BUB1B: variants seen among roughly 807,000 people sequenced by gnomAD.
BUB1B encodes the protein mitotic checkpoint serine/threonine-protein kinase BUB1 beta.
A neutral mutation model predicts 137.7 loss-of-function variants in BUB1B; 86 were observed. The ratio of observed to expected loss-of-function variants is 0.62; its 90% CI spans 0.52 to 0.75. BUB1B has a LOEUF of 0.75. Ranked by LOEUF, BUB1B falls within the 30% of genes least tolerant of loss-of-function variation. The pLI, the probability that BUB1B is intolerant of heterozygous loss-of-function variation, is 0.00. For synonymous variants in BUB1B, 420 were observed against 417.9 expected (o/e 1.00, Z -0.06); for missense variants, 1,130 against 1,236.9 (o/e 0.91, Z 1.30).
At chr15:40,210,256 G>C (rs1338921646) in intron 18 of BUB1B, 46 bp downstream of exon 18, 1 of 1,393,266 alleles carries the variant, frequency 7.2e-7, no homozygotes, top group Non-Finnish European at 1.0e-6. Context: ...AAATAATACG[G>C]ATTGGAGCAA....
At chr15:40,182,126 C>G (rs2037301903) in intron 5 of BUB1B, among the ~76,000 whole-genome samples, 1 of 152,200 alleles carries the variant, frequency 6.6e-6, no homozygotes, top group Non-Finnish European at 1.5e-5. Context: ...ATCGCTTGAA[C>G]CCAGGAGGCA....
rs2037118936 is a variant in BUB1B at position 40,167,815 on chromosome 15, G to T, written c.180-2247G>T. Among the ~76,000 whole-genome samples, 3 of 151,434 alleles carry T rather than the reference G, an allele frequency of 2.0e-5. No individual in the cohort carries two copies. The South Asian group carries it at 6.2e-4, about 31-fold the overall frequency. On this transcript the variant is annotated intron_variant, in intron 2 of 22. Transcript: ENST00000287598. ...CCTTTCCTCACTGAATTGCGTTGGG[G>T]CCCTTTTCAAAAATCATTTGACCAC... is the stretch of plus-strand genomic sequence containing the variant.
chr15:40,209,186 G>A (rs929123130), intron 16 of BUB1B, among the ~76,000 whole-genome samples: 2 of 152,136 alleles, frequency 1.3e-5, no homozygotes, highest in Non-Finnish European at 2.9e-5. Context: ...TTGGGAGGCC[G>A]AGGCGGGTGG....
Position 40,176,502 on chromosome 15 carries a change from A to C in BUB1B, c.410A>C (p.Asp137Ala), listed in dbSNP as rs1446686612. ...GGGCGTTTATGCAATGAGCCTTTGG[A>C]TATGTACAGTTACTTGCACAACCAA... ...KLGRLCNEPL[D>A]MYSYLHNQGI... is the part of the protein sequence containing the mutation. The change falls in exon 5 of 23, where the codon GAT becomes GCT. Residue 137 changes from aspartate (D) to alanine (A), a missense_variant. Coordinates refer to ENST00000287598, the MANE Select transcript of BUB1B (RefSeq NM_001211.6). 1 of 1,614,138 alleles carries C rather than the reference A, an allele frequency of 6.2e-7. No individual in the cohort carries two copies. The highest frequency in any genetic ancestry group is 1.1e-5 in the South Asian group (1 of 91,090).
intron 5 of BUB1B, among the ~76,000 whole-genome samples, chr15:40,179,967 CAT>C (rs34339420): frequency 0.41 from 59,447 of 143,446 alleles, 13,827 homozygotes; most frequent in Non-Finnish European, 0.54. Context: ...TTTCAAAAGC[CAT>C]ATATATATAT....
At chr15:40,199,528 A>G in intron 9 of BUB1B, 87 bp from the exon 10 acceptor site, 2 of 927,510 alleles carry the variant, frequency 2.2e-6, no homozygotes, top group Non-Finnish European at 3.5e-6. Flanking sequence ...AGTAACATAT[A>G]TGTTGAGGAG....
chr15:40,172,243 G>A (rs2037172505), intron 4 of BUB1B, among the ~76,000 whole-genome samples: 1 of 151,386 alleles, frequency 6.6e-6, no homozygotes, highest in African/African-American at 2.4e-5. Flanking sequence ...AATAAAGTAA[G>A]AAATAAATTT....
chr15:40,190,940 T>C (rs1296806096), intron 8 of BUB1B, among the ~76,000 whole-genome samples: 3 of 151,268 alleles, frequency 2.0e-5, no homozygotes, highest in African/African-American at 7.3e-5. Context: ...CATTCTGGAG[T>C]GCAGTAGTGC....
At chr15:40,196,945 G>A (rs1371108905) in intron 9 of BUB1B, among the ~76,000 whole-genome samples, 171 bp downstream of exon 9, 1 of 152,132 alleles carries the variant, frequency 6.6e-6, no homozygotes, top group Non-Finnish European at 1.5e-5. Context: ...TGCCTTCTAT[G>A]GTTGTACTGT....
chr15:40,216,647 G>C (rs1256707726), intron 20 of BUB1B, among the ~76,000 whole-genome samples: 1 of 147,006 alleles, frequency 6.8e-6, no homozygotes, highest in Non-Finnish European at 1.5e-5. Context: ...GGAAAAATGA[G>C]AGCAATTATC....
At chr15:40,171,931 TAA>T (rs1162725390) in intron 4 of BUB1B, among the ~76,000 whole-genome samples, 3 of 151,928 alleles carry the variant, frequency 2.0e-5, no homozygotes, top group Non-Finnish European at 4.4e-5. Flanking sequence ...AAAATAAATT[TAA>T]AAAAATAAAC....
intron 8 of BUB1B, among the ~76,000 whole-genome samples, chr15:40,188,852 A>G (rs1230804618): frequency 6.6e-6 from 1 of 151,968 alleles, no homozygotes; most frequent in Non-Finnish European, 1.5e-5. Context: ...AAGTGCCGGG[A>G]TTACAGGCAT....
chr15:40,216,565 A>ATT (rs2037789610), intron 20 of BUB1B, among the ~76,000 whole-genome samples: 3 of 78,662 alleles, frequency 3.8e-5, no homozygotes, highest in East Asian at 7.5e-4. Context: ...ATATATATAT[A>ATT]TATATATTTT....
intron 2 of BUB1B, among the ~76,000 whole-genome samples, chr15:40,168,850 CTG>C (rs1008333904): frequency 2.0e-5 from 3 of 152,170 alleles, no homozygotes; most frequent in Non-Finnish European, 2.9e-5. Flanking sequence ...CTTGAAAAAA[CTG>C]TTTTTCTTTC....
At chr15:40,180,155 C>A (rs563038771) in intron 5 of BUB1B, among the ~76,000 whole-genome samples, 3 of 150,864 alleles carry the variant, frequency 2.0e-5, no homozygotes, top group African/African-American at 7.3e-5. Flanking sequence ...TCAATTAATT[C>A]TCCTAGTTTT....
chr15:40,207,644 A>G (rs2037653766), intron 15 of BUB1B, among the ~76,000 whole-genome samples: 2 of 152,196 alleles, frequency 1.3e-5, no homozygotes, highest in Non-Finnish European at 2.9e-5. Context: ...ACTATAGGTA[A>G]ATAAAGCATA....
intron 5 of BUB1B, among the ~76,000 whole-genome samples, chr15:40,181,592 A>G (rs2037294602): frequency 6.6e-6 from 1 of 152,100 alleles, no homozygotes; most frequent in African/African-American, 2.4e-5. Flanking sequence ...GCTACCAATA[A>G]TCTGTCCAAA....
intron 4 of BUB1B, among the ~76,000 whole-genome samples, chr15:40,174,247 A>G (rs1285251491): frequency 2.0e-5 from 3 of 152,252 alleles, no homozygotes; most frequent in Non-Finnish European, 4.4e-5. Context: ...TGCTGGTAGC[A>G]CATTCAGAGT....
intron 11 of BUB1B, 55 bp downstream of exon 11, chr15:40,200,414 C>G: frequency 7.5e-7 from 1 of 1,332,190 alleles, no homozygotes; most frequent in Non-Finnish European, 1.1e-6. Context: ...TTAGAACCAA[C>G]CTTTGACTCT....
Sources: allele counts gnomAD v4.1 joint callset (sites outside exome capture counted in the v4.1 genomes callset), GRCh38; gene constraint gnomAD v4.1.1; transcripts MANE v1.5; gene names NCBI Gene and HGNC (gene_info 2026-07-23, HGNC 2026-07-21).